The following NKAIN3 variants were observed in gnomAD, a reference collection of about 807,000 sequenced individuals.
The protein encoded by NKAIN3 is sodium/potassium-transporting ATPase subunit beta-1-interacting protein 3.
Under a neutral mutation model 30.2 loss-of-function variants are expected in NKAIN3, and 25 were observed. The observed-to-expected ratio is 0.83, with a 90% CI of 0.60 to 1.16. The LOEUF (loss-of-function observed/expected upper bound fraction) is 1.16, where lower values mean the gene tolerates loss of function less well. NKAIN3 is among the 50% of genes most tolerant of loss of function. The pLI is 0.00. For synonymous variants in NKAIN3, 91 were observed against 89.6 expected, an observed-to-expected ratio of 1.02 and a Z score of -0.09; for missense variants, 225 against 254.1, an observed-to-expected ratio of 0.89 and a Z score of 0.78.
chr8:62,685,277 G>A (rs1813762612), intron 3 of NKAIN3, among the ~76,000 whole-genome samples: 1 of 152,148 alleles, frequency 6.6e-6, no homozygotes, highest in Non-Finnish European at 1.5e-5. Context: ...ACTTGGGTGA[G>A]ATCTTCTGAT....
chr8:62,816,299 G>A (rs953372983), intron 4 of NKAIN3, among the ~76,000 whole-genome samples: 6 of 152,160 alleles, frequency 3.9e-5, no homozygotes, highest in South Asian at 2.1e-4. Flanking sequence ...TGTAATAAAT[G>A]TCAGTGGTGT....
intron 4 of NKAIN3, among the ~76,000 whole-genome samples, chr8:62,789,987 A>C (rs1817650588): frequency 6.6e-6 from 1 of 152,148 alleles, no homozygotes; most frequent in South Asian, 2.1e-4. Flanking sequence ...CCTGATACCA[A>C]AGCCTGGCAG....
chr8:62,802,377 G>A (rs549115210), intron 4 of NKAIN3, among the ~76,000 whole-genome samples: 1 of 152,180 alleles, frequency 6.6e-6, no homozygotes, highest in Non-Finnish European at 1.5e-5. Context: ...GAGAAAGGTT[G>A]GGTTACCCAC....
intron 1 of NKAIN3, among the ~76,000 whole-genome samples, chr8:62,547,148 A>C (rs1256219155): frequency 6.6e-6 from 1 of 152,208 alleles, no homozygotes; most frequent in African/African-American, 2.4e-5. Context: ...GCTATGATCA[A>C]ATAAATTTTA....
chr8:62,851,301 G>T (rs554686511), intron 4 of NKAIN3, among the ~76,000 whole-genome samples: 42 of 152,296 alleles, frequency 2.8e-4, no homozygotes, highest in Non-Finnish European at 5.4e-4. Context: ...TTTGCACATT[G>T]ATTTTGTATC....
intron 4 of NKAIN3, among the ~76,000 whole-genome samples, chr8:62,874,650 G>A (rs1820740705): frequency 6.6e-6 from 1 of 152,326 alleles, no homozygotes; most frequent in Non-Finnish European, 1.5e-5. Context: ...TGGGATGCAA[G>A]GCTGGTTCAA....
At chr8:62,441,407 A>C (rs996566189) in intron 1 of NKAIN3, among the ~76,000 whole-genome samples, 10 of 151,852 alleles carry the variant, frequency 6.6e-5, no homozygotes, top group Non-Finnish European at 1.3e-4. Context: ...TATTTCTTCA[A>C]GTTTTTATAT....
chr8:62,944,320 T>C (rs536733314), intron 5 of NKAIN3, among the ~76,000 whole-genome samples: 1 of 152,308 alleles, frequency 6.6e-6, no homozygotes, highest in South Asian at 2.1e-4. Context: ...AAAAAAAGTC[T>C]TGATATCTGG....
rs1369990454 is a variant in NKAIN3, at chr8:62,889,344, TG to T, written c.472-29106del. ...GAGATCATGCCATTGCACTCCAGCC[TG>T]GGCAACAAGAGTGAAACTCCATCTC... is the stretch of plus-strand genomic sequence containing the variant. On this transcript the variant is annotated intron_variant, in intron 4 of 6. Transcript: ENST00000623646. Among the ~76,000 whole-genome samples, 4 of 152,086 alleles carry T rather than the reference TG, an allele frequency of 2.6e-5. No individual in the cohort carries two copies. In the East Asian group the frequency reaches 7.7e-4, roughly 29 times the overall value.
intron 3 of NKAIN3, among the ~76,000 whole-genome samples, chr8:62,654,706 A>C (rs1019439241): frequency 3.3e-5 from 5 of 152,192 alleles, no homozygotes; most frequent in Non-Finnish European, 5.9e-5. Context: ...TATACTAAAG[A>C]CATTTTCAGG....
chr8:62,318,311 G>T (rs149817659), intron 1 of NKAIN3, among the ~76,000 whole-genome samples: 1 of 150,834 alleles, frequency 6.6e-6, no homozygotes, highest in Non-Finnish European at 1.5e-5. Flanking sequence ...CGTCCAGCAC[G>T]TCCCATGTTG....
rs187084168 is a variant in NKAIN3, at chr8:62,319,735, G to C, written c.54+70608G>C. ...TTTCTGTTCTTTCACATTTGCTGAG[G>C]AGTGCTTTACTTCCAACTATGTGGC... On this transcript the variant is annotated intron_variant, in intron 1 of 6. Transcript: ENST00000623646. 3.1e-3 allele frequency among the ~76,000 whole-genome samples: 465 copies of C among 152,270 alleles called. 2 individuals are homozygous for C. Among genetic ancestry groups the C allele is most frequent in the African/African-American group, 0.011 (445 of 41,536 alleles).
chr8:62,535,759 C>T (rs1187062092), intron 1 of NKAIN3, among the ~76,000 whole-genome samples: 1 of 152,086 alleles, frequency 6.6e-6, no homozygotes, highest in Non-Finnish European at 1.5e-5. Context: ...GAACTCTGTC[C>T]TCTTGGGTTT....
At chr8:62,953,494 A>G (rs1823340497) in intron 5 of NKAIN3, among the ~76,000 whole-genome samples, 2 of 152,228 alleles carry the variant, frequency 1.3e-5, no homozygotes, top group East Asian at 3.8e-4. Context: ...GTGGCTTCTC[A>G]AATGCCTTTC....
chr8:62,976,778 C>T lies in NKAIN3; in HGVS notation c.*11371C>T, dbSNP rs1322655181. 1.3e-5 allele frequency among the ~76,000 whole-genome samples: 2 copies of T among 152,066 alleles called. No individual in the cohort carries two copies. The highest frequency in any genetic ancestry group is 4.8e-5 in the African/African-American group (2 of 41,414). ...AGTTGATGCAGCTTCTTCATAGTGT[C>T]GATGGTCTTTACATTTTGGAATGTT... On this transcript the variant is annotated 3_prime_UTR_variant, in exon 7 of 7. Coordinates refer to ENST00000623646, the MANE Select transcript of NKAIN3 (RefSeq NM_001304533.3).
chr8:62,445,741 G>T (rs1378310388), intron 1 of NKAIN3, among the ~76,000 whole-genome samples: 1 of 151,982 alleles, frequency 6.6e-6, no homozygotes, highest in East Asian at 1.9e-4. Flanking sequence ...TTTTCTATAT[G>T]GTTTTCTCTT....
At chr8:62,744,444 T>C (rs1485156352) in intron 3 of NKAIN3, among the ~76,000 whole-genome samples, 1 of 152,194 alleles carries the variant, frequency 6.6e-6, no homozygotes, top group African/African-American at 2.4e-5. Flanking sequence ...GTTTTATTTG[T>C]ATAATATAAA....
At chr8:62,995,576 C>T (rs1457070873) in intron 5 of NKAIN3, among the ~76,000 whole-genome samples, 1 of 151,930 alleles carries the variant, frequency 6.6e-6, no homozygotes, top group Admixed American at 6.6e-5. Context: ...TCATAAATGT[C>T]ATAGAGATAT....
At chr8:62,778,114 G>A in intron 4 of NKAIN3, among the ~76,000 whole-genome samples, 1 of 152,090 alleles carries the variant, frequency 6.6e-6, no homozygotes. Context: ...AAGCATCCCT[G>A]TGGCCATTAC....
Sources: allele counts gnomAD v4.1 joint callset (sites outside exome capture counted in the v4.1 genomes callset), GRCh38; gene constraint gnomAD v4.1.1; transcripts MANE v1.5; gene names NCBI Gene and HGNC (gene_info 2026-07-23, HGNC 2026-07-21).